Variants in CAPN8 observed in about 807,000 individuals in gnomAD.
The protein encoded by CAPN8 is calpain-8.
In CAPN8, 87 loss-of-function variants were observed where a neutral mutation model predicts 80.9. That is an observed-to-expected ratio of 1.07 (90% CI 0.90 to 1.28). The LOEUF is 1.28. Ranked by LOEUF, CAPN8 falls within the 50% of genes most tolerant of loss-of-function variation. The pLI is 0.00. For missense variants in CAPN8, 757 were observed against 702.0 expected (o/e 1.08, Z -0.89); for synonymous variants, 299 against 273.8 (o/e 1.09, Z -0.91).
chr1:223,642,905 TA>T, intron 2 of CAPN8: 1 of 444,376 alleles, frequency 2.3e-6, no homozygotes, highest in Non-Finnish European at 4.5e-6. Flanking sequence ...CCTCCAGCTT[TA>T]AATCAGACCT....
chr1:223,613,342 G>A (rs755563848), intron 10 of CAPN8, among the ~76,000 whole-genome samples: 4 of 152,216 alleles, frequency 2.6e-5, no homozygotes, highest in Non-Finnish European at 5.9e-5. Context: ...CACCCATGCA[G>A]AGGCCTCACA....
intron 13 of CAPN8, among the ~76,000 whole-genome samples, chr1:223,554,392 G>T (rs1366930369): frequency 2.0e-5 from 3 of 152,196 alleles, no homozygotes; most frequent in Admixed American, 2.0e-4. Flanking sequence ...GGCTGAGGCG[G>T]GCAGGTCACG....
intron 2 of CAPN8, 198 bp from the exon 3 acceptor site, chr1:223,628,978 A>C: frequency 1.8e-6 from 1 of 568,900 alleles, no homozygotes; most frequent in Non-Finnish European, 3.1e-6. Flanking sequence ...TTTACTCGGG[A>C]GTGGATCCTC....
At position 223,541,714 on chromosome 1, in the gene CAPN8, C is replaced by T. The variant is rs753867957; in HGVS notation, c.*122G>A. 4.1e-6 allele frequency: 6 copies of T among 1,478,042 alleles called. No individual in the cohort carries two copies. Among genetic ancestry groups the T allele is most frequent in the Non-Finnish European group, 4.6e-6 (5 of 1,082,002 alleles). The allele number at this position is 1,478,042 out of a possible 1,614,324, so 91.6% of individuals were successfully genotyped here. A position where few individuals can be genotyped will look rare whatever the true frequency, so the allele number is the denominator to read the frequency against. On this transcript the variant is annotated 3_prime_UTR_variant, in exon 21 of 21. Coordinates refer to ENST00000366872, the MANE Select transcript of CAPN8 (RefSeq NM_001143962.2). Reference sequence around the variant, plus strand: ...CAGTGCTGCTGAAATAGACCCAGGGCAAGAAAGGTATGAACAACCAGTGAA... The same window carrying T: ...CAGTGCTGCTGAAATAGACCCAGGGTAAGAAAGGTATGAACAACCAGTGAA...
intron 2 of CAPN8, chr1:223,644,448 C>G: frequency 6.1e-6 from 1 of 164,986 alleles, no homozygotes; most frequent in East Asian, 1.8e-4. Context: ...ATTTCTCTCT[C>G]TACTTATTCT....
intron 2 of CAPN8, among the ~76,000 whole-genome samples, chr1:223,639,579 G>A (rs1178065075): frequency 1.3e-5 from 2 of 152,256 alleles, no homozygotes; most frequent in African/African-American, 4.8e-5. Context: ...TCTTTCCACT[G>A]TAATCAATCA....
chr1:223,616,256 C>A, intron 9 of CAPN8, 111 bp from the exon 10 acceptor site: 1 of 1,218,396 alleles, frequency 8.2e-7, no homozygotes, highest in Non-Finnish European at 1.1e-6. Flanking sequence ...CAGCTCCATC[C>A]AAACTGTGCC....
chr1:223,638,480 T>G (rs1657967949), intron 2 of CAPN8, among the ~76,000 whole-genome samples: 1 of 152,142 alleles, frequency 6.6e-6, no homozygotes, highest in Admixed American at 6.6e-5. Context: ...TTAGAGTGCC[T>G]CTGGAGTATC....
chr1:223,635,063 A>T (rs1657878270), intron 2 of CAPN8, among the ~76,000 whole-genome samples: 1 of 152,226 alleles, frequency 6.6e-6, no homozygotes, highest in African/African-American at 2.4e-5. Context: ...TGCTGTGCTG[A>T]TTGCACATCT....
intron 11 of CAPN8, among the ~76,000 whole-genome samples, chr1:223,610,183 T>A (rs1656996570): frequency 6.6e-6 from 1 of 152,220 alleles, no homozygotes; most frequent in Admixed American, 6.5e-5. Flanking sequence ...GCTGATACAC[T>A]GCAAGGGCTG....
intron 2 of CAPN8, among the ~76,000 whole-genome samples, chr1:223,638,463 G>C (rs370044789): frequency 1.0e-3 from 156 of 152,248 alleles, no homozygotes; most frequent in African/African-American, 3.7e-3. Flanking sequence ...CAGCAGGTAT[G>C]ATATTTTTAG....
At chr1:223,641,935 C>G (rs75169906) in intron 2 of CAPN8, among the ~76,000 whole-genome samples, 22 of 152,336 alleles carry the variant, frequency 1.4e-4, no homozygotes, top group African/African-American at 5.3e-4. Flanking sequence ...TTCCCTCACT[C>G]CTGTAAGCAT....
intron 9 of CAPN8, 115 bp downstream of exon 9, chr1:223,619,178 A>G (rs997987082): frequency 7.2e-6 from 9 of 1,249,678 alleles, no homozygotes; most frequent in African/African-American, 1.5e-5. Flanking sequence ...TGGGGAACAG[A>G]GCAAGGCCCT....
chr1:223,652,904 C>T (rs970841820), intron 2 of CAPN8, among the ~76,000 whole-genome samples: 1 of 152,068 alleles, frequency 6.6e-6, no homozygotes, highest in African/African-American at 2.4e-5. Flanking sequence ...CACGCACTCA[C>T]CATGGTAACG....
Position 223,628,695 on chromosome 1 carries a change from G to C in CAPN8, c.393C>G (p.Phe131Leu). The C allele has an allele frequency of 7.1e-6, 11 of 1,551,728 alleles. No individual in the cohort carries two copies. The highest frequency in any genetic ancestry group is 9.6e-6 in the Non-Finnish European group (11 of 1,146,986). Residue 131 changes from phenylalanine to leucine, a missense_variant, in exon 3 of 21, where the codon TTC becomes TTG. Coordinates refer to ENST00000366872, the MANE Select transcript of CAPN8 (RefSeq NM_001143962.2). ...LYRVVPRDQD[F>L]QENYAGIFHF... is the part of the protein sequence containing the mutation. ...GAAAGATTCCCGCATAGTTCTCCTG[G>C]AAGTCCTGGTCCCTGGGGACCACCC...
Position 223,627,993 on chromosome 1 carries a change from G to A in CAPN8, c.560+16C>T. Reference sequence around the variant, plus strand: ...GAGGCTCTGGCGTCTCCCAGCTCCTGGCTTCCCCCACTTACTTGGCATAGG... The same window carrying A: ...GAGGCTCTGGCGTCTCCCAGCTCCTAGCTTCCCCCACTTACTTGGCATAGG... On this transcript the variant is annotated intron_variant, in intron 4 of 20. Transcript: ENST00000366872. 1 of 1,524,836 alleles carries A rather than the reference G, an allele frequency of 6.6e-7. No homozygotes were observed. The highest frequency in any genetic ancestry group is 8.9e-7 in the Non-Finnish European group (1 of 1,129,068). 94.5% of individuals were successfully genotyped at this position (1,524,836 alleles called of 1,614,324 possible). A position where few individuals can be genotyped will look rare whatever the true frequency, so the allele number is the denominator to read the frequency against.
chr1:223,620,013 G>A (rs1380040400), intron 8 of CAPN8, among the ~76,000 whole-genome samples, 179 bp downstream of exon 8: 1 of 152,176 alleles, frequency 6.6e-6, no homozygotes. Context: ...CATGGTTTCA[G>A]TGCTTTAGAC....
At chr1:223,644,810 C>A (rs1658144360) in intron 2 of CAPN8, among the ~76,000 whole-genome samples, 1 of 152,150 alleles carries the variant, frequency 6.6e-6, no homozygotes, top group African/African-American at 2.4e-5. Flanking sequence ...CTCCTCCTGG[C>A]CTACTTTACT....
In CAPN8 at chr1:223,551,473, T is replaced by G. The variant is rs545584437; in HGVS notation, c.1642-456A>C. On this transcript the variant is annotated intron_variant, in intron 14 of 20. Transcript: ENST00000366872. ...TGATTTTAAAAGCAGGTGGCATCTT[T>G]AAAAACTCAAATTATCCTCTTCTTT... is the stretch of plus-strand genomic sequence containing the variant. 1.6e-4 allele frequency among the ~76,000 whole-genome samples: 25 copies of G among 152,312 alleles called. No homozygotes were observed. In the South Asian group the frequency reaches 5.2e-3, roughly 32 times the overall value.
Sources: gnomAD v4.1 joint callset for allele counts (sites outside exome capture counted in the v4.1 genomes callset) on GRCh38, gnomAD v4.1.1 for gene constraint, MANE v1.5 for transcripts, NCBI Gene and HGNC (gene_info 2026-07-23, HGNC 2026-07-21) for gene names.